INPP4B: variants seen among roughly 807,000 people sequenced by gnomAD.
The protein encoded by INPP4B is inositol polyphosphate 4-phosphatase type II.
Under a neutral mutation model 122.5 loss-of-function variants are expected in INPP4B, and 55 were observed. That is an observed-to-expected ratio of 0.45 (90% CI 0.36 to 0.56). The LOEUF (loss-of-function observed/expected upper bound fraction) is 0.56, where lower values mean the gene tolerates loss of function less well. INPP4B is among the 20% of genes least tolerant of loss of function. The probability of loss-of-function intolerance (pLI) is 0.00; values close to 1 mark genes in which losing one functional copy is unlikely to be tolerated. For missense variants in INPP4B, 1,000 were observed against 1,097.7 expected (o/e 0.91, Z 1.26); for synonymous variants, 403 against 388.7 (o/e 1.04, Z -0.43).
At chr4:142,363,202 A>C (rs972082001) in intron 7 of INPP4B, among the ~76,000 whole-genome samples, 1 of 152,042 alleles carries the variant, frequency 6.6e-6, no homozygotes, top group Non-Finnish European at 1.5e-5. Flanking sequence ...ATATGTGTGC[A>C]TACATGACAA....
intron 25 of INPP4B, among the ~76,000 whole-genome samples, chr4:142,045,574 T>TGTAA (rs1750914189): frequency 6.6e-6 from 1 of 152,136 alleles, no homozygotes; most frequent in African/African-American, 2.4e-5. Context: ...ACTGTCCCAC[T>TGTAA]GTAAGTTACA....
chr4:142,600,547 T>C (rs1243670329), intron 2 of INPP4B, among the ~76,000 whole-genome samples: 3 of 152,018 alleles, frequency 2.0e-5, no homozygotes, highest in African/African-American at 7.2e-5. Flanking sequence ...CACTGTTAAG[T>C]ACATACAAAT....
intron 1 of INPP4B, among the ~76,000 whole-genome samples, chr4:142,836,165 C>T (rs1561124150): frequency 6.6e-6 from 1 of 152,112 alleles, no homozygotes; most frequent in East Asian, 1.9e-4. Context: ...CATTTATTCA[C>T]TCAATGAAAC....
intron 2 of INPP4B, among the ~76,000 whole-genome samples, chr4:142,504,702 A>G (rs531344483): frequency 6.6e-6 from 1 of 152,296 alleles, no homozygotes; most frequent in East Asian, 1.9e-4. Context: ...TTGATCTAGA[A>G]GTATTTTCAT....
intron 2 of INPP4B, among the ~76,000 whole-genome samples, chr4:142,677,999 C>A (rs879396908): frequency 6.6e-6 from 1 of 151,166 alleles, no homozygotes; most frequent in African/African-American, 2.4e-5. Flanking sequence ...TAAAAAAAAG[C>A]TTTTAAAAGA....
intron 7 of INPP4B, among the ~76,000 whole-genome samples, chr4:142,392,900 C>T (rs1361241623): frequency 3.9e-5 from 6 of 152,152 alleles, no homozygotes; most frequent in Non-Finnish European, 8.8e-5. Context: ...CTACATCATT[C>T]TTTATTTGGT....
In INPP4B at chr4:142,173,880, C is replaced by A. The variant is rs948058347; in HGVS notation, c.1182-71G>T. The A allele has an allele frequency of 3.9e-5, 47 of 1,215,232 alleles. No homozygotes were observed. The African/African-American group carries it at 5.0e-4, about 13-fold the overall frequency. 75.3% of individuals were successfully genotyped at this position (1,215,232 alleles called of 1,614,324 possible). On this transcript the variant is annotated intron_variant, in intron 15 of 25. Transcript: ENST00000262992. The stretch of plus-strand genomic sequence containing the variant: ...ATGTTCAGCCCTTAATATCAGATGG[C>A]AAATGATAAACAGAACTCCAAGTAT...
chr4:142,308,300 T>C (rs139777637), intron 8 of INPP4B, among the ~76,000 whole-genome samples: 1 of 152,346 alleles, frequency 6.6e-6, no homozygotes. Flanking sequence ...ATCATACCAT[T>C]ACATTTCGTA....
chr4:142,817,308 A>G (rs1189594017), intron 1 of INPP4B, among the ~76,000 whole-genome samples: 1 of 152,178 alleles, frequency 6.6e-6, no homozygotes, highest in African/African-American at 2.4e-5. Context: ...ACTTTAAAAC[A>G]TAATACTAAA....
intron 2 of INPP4B, among the ~76,000 whole-genome samples, chr4:142,684,842 G>A (rs2150697649): frequency 6.6e-6 from 1 of 151,772 alleles, no homozygotes; most frequent in Non-Finnish European, 1.5e-5. Flanking sequence ...TTAATTACTT[G>A]GCAAAATTAT....
chr4:142,463,995 A>G (rs1410366145), intron 2 of INPP4B, among the ~76,000 whole-genome samples: 2 of 152,312 alleles, frequency 1.3e-5, no homozygotes, highest in Non-Finnish European at 2.9e-5. Context: ...GGGACCCCCA[A>G]TACAACCACC....
intron 25 of INPP4B, among the ~76,000 whole-genome samples, chr4:142,066,938 C>T (rs1763858443): frequency 6.6e-6 from 1 of 152,222 alleles, no homozygotes; most frequent in African/African-American, 2.4e-5. Flanking sequence ...CTTCTGCAGA[C>T]TTAAACCTCC....
intron 25 of INPP4B, among the ~76,000 whole-genome samples, chr4:142,081,141 T>C (rs531113052): frequency 1.3e-5 from 2 of 152,224 alleles, no homozygotes; most frequent in South Asian, 4.1e-4. Flanking sequence ...ATGTCACCAA[T>C]GAAAGACTGC....
At chr4:142,703,383 G>T (rs980379637) in intron 2 of INPP4B, among the ~76,000 whole-genome samples, 4 of 152,132 alleles carry the variant, frequency 2.6e-5, no homozygotes, top group Admixed American at 6.5e-5. Flanking sequence ...TCAATGGTTA[G>T]GTCACAATAC....
At chr4:142,630,250 T>C (rs1401306321) in intron 2 of INPP4B, among the ~76,000 whole-genome samples, 4 of 152,110 alleles carry the variant, frequency 2.6e-5, no homozygotes, top group Admixed American at 1.3e-4. Context: ...TTATAGTTCT[T>C]TCTAAGAATG....
chr4:142,133,431 G>T (rs190095315), intron 18 of INPP4B, among the ~76,000 whole-genome samples: 1 of 151,996 alleles, frequency 6.6e-6, no homozygotes, highest in Non-Finnish European at 1.5e-5. Flanking sequence ...CTTCTTCTTC[G>T]TCCAAGCTCA....
rs147839806 is a variant in INPP4B at position 142,162,051 on chromosome 4, T to A, written c.1360-1490A>T. ...TGTTTTGAACATCTACCAGTTTTCA[T>A]AATTAAGTGTGCCTATAATGCCTGT... On this transcript the variant is annotated intron_variant, in intron 16 of 25. Coordinates refer to ENST00000262992, the MANE Select transcript of INPP4B (RefSeq NM_001101669.3). Among the ~76,000 whole-genome samples the A allele has an allele frequency of 4.0e-3, 614 of 152,006 alleles. 11 individuals are homozygous for A. Among genetic ancestry groups the A allele is most frequent in the Admixed American group, 0.035 (531 of 15,220 alleles).
chr4:142,550,601 C>CACAT (rs1727739007), intron 2 of INPP4B, among the ~76,000 whole-genome samples: 1 of 10,482 alleles, frequency 9.5e-5, no homozygotes, highest in Admixed American at 2.1e-3. Context: ...CACACACACA[C>CACAT]ACACATATAT....
chr4:142,263,476 T>C (rs1400325146), intron 10 of INPP4B, among the ~76,000 whole-genome samples: 1 of 151,672 alleles, frequency 6.6e-6, no homozygotes, highest in Non-Finnish European at 1.5e-5. Flanking sequence ...ATTTTTAGCT[T>C]TACTTCTTTA....
Sources: gnomAD v4.1 joint callset for allele counts (sites outside exome capture counted in the v4.1 genomes callset) on GRCh38, gnomAD v4.1.1 for gene constraint, MANE v1.5 for transcripts, NCBI Gene and HGNC (gene_info 2026-07-23, HGNC 2026-07-21) for gene names.